The following MCF2L2 variants were observed in gnomAD, a reference collection of about 807,000 sequenced individuals.
MCF2L2 encodes MCF.2 cell line derived transforming sequence-like 2, also known as probable guanine nucleotide exchange factor MCF2L2.
In MCF2L2, 102 loss-of-function variants were observed where a neutral mutation model predicts 150.2. The observed-to-expected ratio is 0.68, with a 90% CI of 0.58 to 0.80. The LOEUF is 0.80. Ranked by LOEUF, MCF2L2 falls within the 30% of genes least tolerant of loss-of-function variation. MCF2L2 has a pLI of 0.00. For missense variants in MCF2L2, 1,256 were observed against 1,372.8 expected (o/e 0.91, Z 1.34); for synonymous variants, 465 against 491.3 (o/e 0.95, Z 0.71).
rs1722173988 is a variant in MCF2L2, at chr3:183,199,192, A to G, written c.2885-3937T>C. 2.0e-5 allele frequency among the ~76,000 whole-genome samples: 3 copies of G among 152,230 alleles called. No homozygotes were observed. In the South Asian group the frequency reaches 6.2e-4, roughly 31 times the overall value. ...GCACGTTCCTGAGCAGCTGATGATCATAGAAGACCTAGAAAAAGTGTGAGC... is the reference window on the plus strand; with the variant it reads ...GCACGTTCCTGAGCAGCTGATGATCGTAGAAGACCTAGAAAAAGTGTGAGC... On this transcript the variant is annotated intron_variant, in intron 25 of 29. Coordinates refer to ENST00000328913, the MANE Select transcript of MCF2L2 (RefSeq NM_015078.4).
intron 2 of MCF2L2, among the ~76,000 whole-genome samples, chr3:183,383,321 G>A (rs950384934): frequency 2.6e-5 from 4 of 151,918 alleles, no homozygotes; most frequent in South Asian, 2.1e-4. Flanking sequence ...CACAACCTCC[G>A]CCTCTCGGGT....
chr3:183,240,689 T>G (rs1723981271), intron 15 of MCF2L2, among the ~76,000 whole-genome samples: 1 of 152,126 alleles, frequency 6.6e-6, no homozygotes, highest in South Asian at 2.1e-4. Flanking sequence ...GAGAGGTGGG[T>G]GGGAGCTAAG....
chr3:183,211,710 A>G (rs565608061), intron 22 of MCF2L2, among the ~76,000 whole-genome samples: 2 of 152,352 alleles, frequency 1.3e-5, no homozygotes, highest in South Asian at 4.1e-4. Context: ...TCTTTCAGAT[A>G]CGTGTTCACC....
At position 183,323,257 on chromosome 3, in the gene MCF2L2, C is replaced by A. The variant is rs1729887380; in HGVS notation, c.581G>T (p.Gly194Val). Reference protein sequence around the residue: ...ELGGTLEYRHGQWVNHRTAIE... With the variant: ...ELGGTLEYRHVQWVNHRTAIE... ...CACAGTGCGGTGATTTACCCACTGA[C>A]CGTGGCGATATTCCAAAGTCCCCCC... The change falls in exon 6 of 30, where the codon GGT (glycine) becomes GTT (valine). Residue 194 changes from glycine to valine, a missense_variant. Transcript: ENST00000328913. 3 of 1,613,060 alleles carry A rather than the reference C, an allele frequency of 1.9e-6. No homozygotes were observed. The highest frequency in any genetic ancestry group is 1.7e-6 in the Non-Finnish European group (2 of 1,179,192).
intron 25 of MCF2L2, among the ~76,000 whole-genome samples, chr3:183,201,606 T>C (rs1302258168): frequency 6.6e-6 from 1 of 152,240 alleles, no homozygotes; most frequent in Admixed American, 6.5e-5. Flanking sequence ...CCTAATTCAA[T>C]ACCCTTTATT....
intron 5 of MCF2L2, among the ~76,000 whole-genome samples, chr3:183,333,920 G>A (rs1030172672): frequency 6.6e-5 from 10 of 150,598 alleles, no homozygotes; most frequent in African/African-American, 1.2e-4. Flanking sequence ...TGCCTGAGAG[G>A]GGCCTAGATG....
chr3:183,313,494 A>G (rs890713586), intron 7 of MCF2L2, among the ~76,000 whole-genome samples: 6 of 152,182 alleles, frequency 3.9e-5, no homozygotes, highest in African/African-American at 1.4e-4. Flanking sequence ...AAAAATTGTG[A>G]CCTGGTGACT....
At chr3:183,204,914 A>G (rs1352916083) in intron 25 of MCF2L2, among the ~76,000 whole-genome samples, 2 of 152,188 alleles carry the variant, frequency 1.3e-5, no homozygotes, top group Non-Finnish European at 2.9e-5. Context: ...AGGGCCATAT[A>G]TGTGATGTGT....
rs1452117289 is a variant in MCF2L2, at chr3:183,179,767, C to G, written c.3106-75G>C. 1.5e-6 allele frequency: 2 copies of G among 1,347,366 alleles called. No homozygotes were observed. Among genetic ancestry groups the G allele is most frequent in the African/African-American group, 2.9e-5 (2 of 69,444 alleles). 83.5% of individuals were successfully genotyped at this position (1,347,366 alleles called of 1,614,324 possible). ...GGCCAGACCGGGCAAGGTGGTGACT[C>G]CCGCTGGCAGGCTGAGGCCCACCCC... is the stretch of plus-strand genomic sequence containing the variant. On this transcript the variant is annotated intron_variant, in intron 28 of 29. Transcript: ENST00000328913. This position sits in a 1 kb window ranked among gnomAD's most constrained non-coding sequence, Gnocchi z 4.2.
In MCF2L2 at chr3:183,300,129, G is replaced by A. The variant is rs1252009400; in HGVS notation, c.1181C>T (p.Ala394Val). The stretch of plus-strand genomic sequence containing the variant: ...ACACCGGGGCCTGATGGCATCTGCT[G>A]CATAATGGTGGCTTTGGATGAGCTG... ...GDQLIQSHHY[A>V]ADAIRPRCVE... The change falls in exon 11 of 30, where the codon GCA (alanine) becomes GTA (valine). Residue 394 changes from alanine to valine, a missense_variant. Coordinates refer to ENST00000328913, the MANE Select transcript of MCF2L2 (RefSeq NM_015078.4). The A allele has an allele frequency of 1.9e-6, 3 of 1,613,782 alleles. No individual in the cohort carries two copies. Among genetic ancestry groups the A allele is most frequent in the African/African-American group, 2.7e-5 (2 of 74,880 alleles).
intron 27 of MCF2L2, among the ~76,000 whole-genome samples, chr3:183,182,900 C>T (rs1250469877): frequency 1.3e-5 from 2 of 152,184 alleles, no homozygotes; most frequent in African/African-American, 4.8e-5. Flanking sequence ...TGGCTTAAGG[C>T]CCTGTGGGAG....
chr3:183,203,330 A>G (rs1019576251), intron 25 of MCF2L2, among the ~76,000 whole-genome samples: 19 of 152,252 alleles, frequency 1.2e-4, no homozygotes, highest in African/African-American at 4.3e-4. Context: ...GAAATCATAT[A>G]TAAAGACTAA....
chr3:183,366,909 C>T (rs1264052342), intron 3 of MCF2L2, among the ~76,000 whole-genome samples: 1 of 151,832 alleles, frequency 6.6e-6, no homozygotes, highest in African/African-American at 2.4e-5. Context: ...AGTAATAATG[C>T]AATAAAGGTA....
At chr3:183,200,092 G>T (rs1722221658) in intron 25 of MCF2L2, among the ~76,000 whole-genome samples, 1 of 152,164 alleles carries the variant, frequency 6.6e-6, no homozygotes, top group African/African-American at 2.4e-5. Flanking sequence ...ACATACGTGT[G>T]CATGTATCTT....
chr3:183,412,415 C>A (rs897323989), intron 1 of MCF2L2, among the ~76,000 whole-genome samples: 1 of 152,158 alleles, frequency 6.6e-6, no homozygotes, highest in African/African-American at 2.4e-5. Flanking sequence ...CTGCCTCAGC[C>A]TCCCGAGTAG....
intron 1 of MCF2L2, among the ~76,000 whole-genome samples, chr3:183,390,799 AG>A (rs1399109411): frequency 6.6e-6 from 1 of 152,190 alleles, no homozygotes; most frequent in Non-Finnish European, 1.5e-5. Flanking sequence ...TGGGAGGCTG[AG>A]GCAGGAGAAT....
At chr3:183,303,691 T>C (rs1255730222) in intron 10 of MCF2L2, among the ~76,000 whole-genome samples, 1 of 152,208 alleles carries the variant, frequency 6.6e-6, no homozygotes, top group African/African-American at 2.4e-5. Context: ...TCATGGCTTC[T>C]CATGGGGACA....
At chr3:183,184,081 G>C (rs1160305182) in intron 27 of MCF2L2, among the ~76,000 whole-genome samples, 1 of 152,178 alleles carries the variant, frequency 6.6e-6, no homozygotes, top group Non-Finnish European at 1.5e-5. Flanking sequence ...GCAGTGGCGT[G>C]ATCTTGGCTC....
intron 3 of MCF2L2, chr3:183,372,974 GGAGAC>G (rs1712978972): frequency 6.6e-6 from 1 of 152,178 alleles, no homozygotes; most frequent in Non-Finnish European, 1.5e-5. Context: ...CAGGAGCCTA[GGAGAC>G]TGAGGGTGAC....
Sources: gnomAD v4.1 joint callset for allele counts (sites outside exome capture counted in the v4.1 genomes callset) on GRCh38, gnomAD v4.1.1 for gene constraint, Gnocchi (gnomAD v3.1) non-coding constraint, MANE v1.5 for transcripts, NCBI Gene and HGNC (gene_info 2026-07-23, HGNC 2026-07-21) for gene names.